The following TRAPPC8 variants were observed in gnomAD, a reference collection of about 807,000 sequenced individuals.
The protein encoded by TRAPPC8 is general sporulation gene 1 homolog.
In TRAPPC8, 54 loss-of-function variants were observed where a neutral mutation model predicts 174.3. The observed-to-expected ratio is 0.31, with a 90% CI of 0.25 to 0.39. The LOEUF is 0.39. Among genes scored for constraint, TRAPPC8 ranks in the 10% least tolerant of loss-of-function variants. The pLI, the probability that TRAPPC8 is intolerant of heterozygous loss-of-function variation, is 1.00. For missense variants in TRAPPC8, 1,531 were observed against 1,699.1 expected, an observed-to-expected ratio of 0.90 and a Z score of 1.74; for synonymous variants, 630 against 579.9, an observed-to-expected ratio of 1.09 and a Z score of -1.24.
chr18:31,908,351 T>C lies in TRAPPC8; in HGVS notation c.1190A>G (p.Lys397Arg). 1 of 1,607,338 alleles carries C rather than the reference T, an allele frequency of 6.2e-7. No individual in the cohort carries two copies. Among genetic ancestry groups the C allele is most frequent in the Non-Finnish European group, 8.5e-7 (1 of 1,176,940 alleles). The change falls in exon 8 of 29, where the codon AAA becomes AGA. Residue 397 changes from lysine (K) to arginine (R), a missense_variant. Physicochemically the swap from Lys to Arg is conservative, Grantham distance 26. Transcript: ENST00000283351. ...SATKKWFSGS[K>R]VPEKSINDLK... ...GTCATTAATGCTCTTTTCTGGAACT[T>C]TACTGCCACTAAACCATTTTTTAGT...
At chr18:31,915,883 T>C in intron 4 of TRAPPC8, among the ~76,000 whole-genome samples, 2 of 121,456 alleles carry the variant, frequency 1.6e-5, no homozygotes, top group Admixed American at 9.8e-5. Context: ...TGAGACTCCA[T>C]CTCAGAAAAA....
chr18:31,919,146 A>G (rs920781381), intron 2 of TRAPPC8, among the ~76,000 whole-genome samples: 2 of 152,220 alleles, frequency 1.3e-5, no homozygotes. Context: ...TATTACATAT[A>G]GTCTGATTAG....
intron 11 of TRAPPC8, among the ~76,000 whole-genome samples, chr18:31,896,810 G>C (rs1033739988): frequency 3.3e-5 from 5 of 152,166 alleles, no homozygotes; most frequent in African/African-American, 1.2e-4. Flanking sequence ...TTTTAGTAGA[G>C]ACAGGATTAC....
intron 11 of TRAPPC8, chr18:31,896,284 A>G (rs2145398367): frequency 6.6e-6 from 1 of 152,352 alleles, no homozygotes; most frequent in South Asian, 2.1e-4. Context: ...GTAGAAGTTT[A>G]AGAAAAACCA....
intron 12 of TRAPPC8, chr18:31,883,449 C>A (rs762386003): frequency 6.6e-6 from 1 of 152,136 alleles, no homozygotes; most frequent in Non-Finnish European, 1.5e-5. Flanking sequence ...GTGGGTAGCA[C>A]CCACTGTAAC....
At chr18:31,854,917 G>C (rs1380915711) in intron 21 of TRAPPC8, among the ~76,000 whole-genome samples, 1 of 127,094 alleles carries the variant, frequency 7.9e-6, no homozygotes, top group Non-Finnish European at 1.6e-5. Flanking sequence ...AGTGAGCAGA[G>C]ATCGCGCCAC....
intron 2 of TRAPPC8, among the ~76,000 whole-genome samples, chr18:31,919,957 T>C (rs1262068982): frequency 6.6e-6 from 1 of 152,016 alleles, no homozygotes; most frequent in Non-Finnish European, 1.5e-5. Context: ...GGAGAATAAA[T>C]GAAACACACA....
At chr18:31,912,810 G>A (rs1331250934) in intron 5 of TRAPPC8, among the ~76,000 whole-genome samples, 2 of 152,126 alleles carry the variant, frequency 1.3e-5, no homozygotes, top group South Asian at 2.1e-4. Flanking sequence ...AATTCTTAAC[G>A]TGTAATTCAC....
rs1016064804 is a variant in TRAPPC8, at chr18:31,839,518, A to C, written c.3838-61T>G. On this transcript the variant is annotated intron_variant, in intron 26 of 28. Transcript: ENST00000283351. ...ACACTACCTTGTTTAAAAAAAAAAA[A>C]AGCATAGTGTATATATACAAAAGTT... The C allele has an allele frequency of 2.7e-6, 4 of 1,457,238 alleles. No individual in the cohort carries two copies. The African/African-American group carries it at 4.3e-5, about 16-fold the overall frequency. The allele number at this position is 1,457,238 out of a possible 1,614,324, so 90.3% of individuals were successfully genotyped here.
intron 11 of TRAPPC8, among the ~76,000 whole-genome samples, chr18:31,893,839 C>G (rs963164001): frequency 6.6e-6 from 1 of 151,600 alleles, no homozygotes; most frequent in South Asian, 2.1e-4. Flanking sequence ...TACACACACA[C>G]GAAAAAATAA....
At chr18:31,860,279 A>G (rs1246416674) in intron 19 of TRAPPC8, among the ~76,000 whole-genome samples, 1 of 152,174 alleles carries the variant, frequency 6.6e-6, no homozygotes, top group Non-Finnish European at 1.5e-5. Flanking sequence ...ATACATATAT[A>G]TAATAGTGCT....
Position 31,897,729 on chromosome 18 carries a change from C to CT in TRAPPC8, c.1596+56dup, listed in dbSNP as rs372592101. On this transcript the variant is annotated intron_variant, in intron 11 of 28. Coordinates refer to ENST00000283351, the MANE Select transcript of TRAPPC8 (RefSeq NM_014939.5). ...AAGCCTTTCAAGAAAAAAGATACAT[C>CT]TTTTTAAAAAAAAAAGAACAATGCT... 1.4e-5 allele frequency: 17 copies of CT among 1,257,360 alleles called. No individual in the cohort carries two copies. In the African/African-American group the frequency reaches 1.6e-4, roughly 12 times the overall value. 77.9% of individuals were successfully genotyped at this position (1,257,360 alleles called of 1,614,324 possible). A position where few individuals can be genotyped will look rare whatever the true frequency, so the allele number is the denominator to read the frequency against.
Position 31,862,272 on chromosome 18 carries a change from G to A in TRAPPC8, c.2745+2355C>T, listed in dbSNP as rs908673678. Among the ~76,000 whole-genome samples the A allele has an allele frequency of 4.0e-5, 6 of 151,582 alleles. No homozygotes were observed. In the South Asian group the frequency reaches 8.3e-4, roughly 21 times the overall value. ...TTGTGGGAACTTGCAAAGCCTGGAC[G>A]AAAATGGCACAAGTATTAAGAAAAA... On this transcript the variant is annotated intron_variant, in intron 19 of 28. Transcript: ENST00000283351.
At chr18:31,851,522 T>A (rs2033702134) in intron 24 of TRAPPC8, among the ~76,000 whole-genome samples, 1 of 152,050 alleles carries the variant, frequency 6.6e-6, no homozygotes, top group South Asian at 2.1e-4. Flanking sequence ...TCTTTTTTTT[T>A]TTTTCTTTTA....
Position 31,870,470 on chromosome 18 carries a change from G to C in TRAPPC8, c.2290C>G (p.Pro764Ala). 1 of 1,609,664 alleles carries C rather than the reference G, an allele frequency of 6.2e-7. No individual in the cohort carries two copies. Among genetic ancestry groups the C allele is most frequent in the Non-Finnish European group, 8.5e-7 (1 of 1,177,750 alleles). ...PITVEVAFRN[P>A]LKVLLLLTDL... Reference sequence around the variant, plus strand: ...GTCAACAAAAGTAGAACTTTCAAAGGGTTTCTAAAAGCCACTTCCACTGTA... The same window carrying C: ...GTCAACAAAAGTAGAACTTTCAAAGCGTTTCTAAAAGCCACTTCCACTGTA... Residue 764 changes from proline (P) to alanine (A), a missense_variant, in exon 16 of 29, where the codon CCT (proline) becomes GCT (alanine). Transcript: ENST00000283351.
At chr18:31,933,294 C>A (rs1217524142) in intron 1 of TRAPPC8, among the ~76,000 whole-genome samples, 2 of 132,386 alleles carry the variant, frequency 1.5e-5, no homozygotes, top group African/African-American at 2.9e-5. Flanking sequence ...GAGCGAGACT[C>A]CGTCTCAAAA....
In TRAPPC8 at chr18:31,864,678, G is replaced by T. The variant is rs755600622; in HGVS notation, c.2694C>A (p.Gly898=). 1.9e-6 allele frequency: 3 copies of T among 1,612,898 alleles called. No homozygotes were observed. The Admixed American group carries it at 5.0e-5, about 27-fold the overall frequency. ...TTATGGGATCTAAACGTCGATCAGG[G>T]CCATATTTAACAGATGTTTTCTCTT... ...TKEEKTSVKY[G]PDRRLDPIIT... is the part of the protein sequence containing the mutation. Residue 898 remains glycine (G), a synonymous_variant, in exon 19 of 29, where the codon GGC becomes GGA. Transcript: ENST00000283351.
chr18:31,869,712 C>T (rs1425536783), intron 16 of TRAPPC8, among the ~76,000 whole-genome samples: 1 of 152,076 alleles, frequency 6.6e-6, no homozygotes, highest in African/African-American at 2.4e-5. Flanking sequence ...TATCAGAATA[C>T]GCCTATAAAA....
chr18:31,896,385 A>G (rs918141928), intron 11 of TRAPPC8: 8 of 152,200 alleles, frequency 5.3e-5, no homozygotes, highest in Non-Finnish European at 1.2e-4. Context: ...TTAAATAAAT[A>G]ATGTTTAAGA....
Sources: allele counts gnomAD v4.1 joint callset (sites outside exome capture counted in the v4.1 genomes callset), GRCh38; gene constraint gnomAD v4.1.1; transcripts MANE v1.5; gene names NCBI Gene and HGNC (gene_info 2026-07-23, HGNC 2026-07-21).